Variants in MAX observed in about 807,000 individuals in gnomAD.
MAX encodes the protein MYC associated transcriptional regulator X.
Under a neutral mutation model 22.3 loss-of-function variants are expected in MAX, and 3 were observed. That is an observed-to-expected ratio of 0.13 (90% confidence interval 0.06 to 0.35). MAX has a LOEUF of 0.35. Among genes scored for constraint, MAX ranks in the 10% least tolerant of loss-of-function variants. MAX has a pLI of 1.00. For synonymous variants in MAX, 72 were observed against 77.7 expected (o/e 0.93, Z 0.39); for missense variants, 119 against 209.4 (o/e 0.57, Z 2.66).
intron 3 of MAX, among the ~76,000 whole-genome samples, chr14:65,085,563 C>T (rs2063308871): frequency 6.6e-6 from 1 of 152,082 alleles, no homozygotes; most frequent in African/African-American, 2.4e-5. Context: ...AGATTTCTGC[C>T]CTACAGGAGC....
In MAX at chr14:65,076,439, G is replaced by C; in HGVS notation, c.*37C>G. ...ACTGAAAGGAGGATGAGACGATGGA[G>C]ACAGACAGTTTTTATTGCTGGCCTG... is the stretch of plus-strand genomic sequence containing the variant. On this transcript the variant is annotated 3_prime_UTR_variant, in exon 5 of 5. Transcript: ENST00000358664. This position sits in a 1 kb window ranked among gnomAD's most constrained non-coding sequence, Gnocchi z 6.6. 6.2e-7 allele frequency: 1 copy of C among 1,612,264 alleles called. No homozygotes were observed. The highest frequency in any genetic ancestry group is 1.1e-5 in the South Asian group (1 of 90,846).
chr14:65,027,865 A>C lies in MAX; in HGVS notation c.172-21581T>G, dbSNP rs2062012301. 2 of 1,562,704 alleles carry C rather than the reference A, an allele frequency of 1.3e-6. No homozygotes were observed. Among genetic ancestry groups the C allele is most frequent in the Admixed American group, 3.6e-5 (2 of 56,082 alleles). ...AGAGATGCCAAGCCTAAGGAACATC[A>C]TGGGGAAGCTGCTGCTTTGTCCCAG... On this transcript the variant is annotated intron_variant, in intron 3 of 3. Transcript: ENST00000341653. This position sits in a 1 kb window ranked among gnomAD's most constrained non-coding sequence, Gnocchi z 5.7.
chr14:65,067,762 C>A (rs1376622115), intron 3 of MAX, among the ~76,000 whole-genome samples: 1 of 151,334 alleles, frequency 6.6e-6, no homozygotes, highest in Non-Finnish European at 1.5e-5. Flanking sequence ...GGTGGGACCA[C>A]AGGCACACAC....
chr14:65,025,988 C>T (rs1232248452), intron 3 of MAX, among the ~76,000 whole-genome samples: 2 of 152,122 alleles, frequency 1.3e-5, no homozygotes, highest in African/African-American at 4.8e-5. Context: ...TTTCTCTGCC[C>T]GGATAATGGG....
At chr14:65,056,238 T>C (rs1272544217) in intron 3 of MAX, among the ~76,000 whole-genome samples, 1 of 152,240 alleles carries the variant, frequency 6.6e-6, no homozygotes, top group African/African-American at 2.4e-5. Flanking sequence ...CATGTGTTGC[T>C]CCAGTTTATT....
rs575349280 is a variant in MAX at position 65,078,853 on chromosome 14, G to T, written c.172-817C>A. On this transcript the variant is annotated intron_variant, in intron 3 of 4. Transcript: ENST00000358664. The surrounding 1 kb of genome is among the most constrained non-coding windows in gnomAD (Gnocchi z 6.4). ...GAAGGCCTTCTTTGTGACATACAAG[G>T]TGCCAAGTGCTTTACAGAGCTTAAC... Among the ~76,000 whole-genome samples, 241 of 152,300 alleles carry T rather than the reference G, an allele frequency of 1.6e-3. 2 individuals carry two copies. The highest frequency in any genetic ancestry group is 5.3e-3 in the African/African-American group (222 of 41,566).
intron 1 of MAX, 101 bp downstream of exon 1, chr14:65,102,200 AGGC>A: frequency 6.4e-7 from 1 of 1,560,054 alleles, no homozygotes; most frequent in Non-Finnish European, 8.7e-7. Flanking sequence ...AAGGGGAAGG[AGGC>A]GGCGGCAGCC....
At position 65,084,053 on chromosome 14, in the gene MAX, G is replaced by A; in HGVS notation, c.172-6017C>T. ...CATGGCTCCTTGAAGGCTTCCTGCT[G>A]CCAGGGCCTCCCCAGCCACAGGACC... On this transcript the variant is annotated intron_variant, in intron 3 of 4. Transcript: ENST00000358664. This position sits in a 1 kb window ranked among gnomAD's most constrained non-coding sequence, Gnocchi z 4.3. The A allele has an allele frequency of 6.3e-7, 1 of 1,593,588 alleles. No homozygotes were observed.
rs539193441 is a variant in MAX at position 65,076,348 on chromosome 14, A to T, written c.*128T>A. The T allele has an allele frequency of 3.0e-4, 384 of 1,286,162 alleles. No homozygotes were observed. The highest frequency in any genetic ancestry group is 8.2e-4 in the African/African-American group (54 of 65,728). The allele number at this position is 1,286,162 out of a possible 1,614,324, so 79.7% of individuals were successfully genotyped here. A position where few individuals can be genotyped will look rare whatever the true frequency, so the allele number is the denominator to read the frequency against. ...AGCTTCTACGTAAAAATAAAAATTT[A>T]AAAAAAAAAGGGAGAAAGAGAAAAA... On this transcript the variant is annotated 3_prime_UTR_variant, in exon 5 of 5. Coordinates refer to ENST00000358664, the MANE Select transcript of MAX (RefSeq NM_002382.5). The surrounding 1 kb of genome is among the most constrained non-coding windows in gnomAD (Gnocchi z 6.6).
chr14:65,059,939 T>G (rs962898533), intron 3 of MAX, among the ~76,000 whole-genome samples: 4 of 150,186 alleles, frequency 2.7e-5, no homozygotes, highest in Non-Finnish European at 4.4e-5. Flanking sequence ...GTTCAAGCAA[T>G]TCTCCTGCTT....
intron 3 of MAX, among the ~76,000 whole-genome samples, chr14:65,024,468 G>A (rs2061944461): frequency 6.6e-6 from 1 of 152,158 alleles, no homozygotes; most frequent in Admixed American, 6.5e-5. Context: ...GCAGGACTGG[G>A]TCTCTGTATT....
chr14:65,096,942 T>C (rs951186839), intron 2 of MAX, among the ~76,000 whole-genome samples: 10 of 152,194 alleles, frequency 6.6e-5, no homozygotes, highest in African/African-American at 1.7e-4. Context: ...CCCACTCTTC[T>C]AGTACGCTGG....
chr14:65,025,815 C>G (rs1413363982), intron 3 of MAX, among the ~76,000 whole-genome samples: 1 of 152,146 alleles, frequency 6.6e-6, no homozygotes, highest in East Asian at 1.9e-4. Flanking sequence ...GACCCTCTCT[C>G]AAAATCAAAA....
At chr14:65,033,472 G>A (rs141886331) in intron 3 of MAX, among the ~76,000 whole-genome samples, 32 of 152,340 alleles carry the variant, frequency 2.1e-4, no homozygotes, top group Non-Finnish European at 4.3e-4. Context: ...GACCTGAAGT[G>A]TATATGGCTA....
chr14:65,022,579 C>G (rs1047753144), intron 3 of MAX, among the ~76,000 whole-genome samples: 5 of 151,916 alleles, frequency 3.3e-5, no homozygotes, highest in Non-Finnish European at 7.4e-5. Context: ...ATTGCCTAAG[C>G]TGGTCTCAAA....
chr14:65,033,146 C>T (rs1242466429), intron 3 of MAX, among the ~76,000 whole-genome samples: 4 of 151,742 alleles, frequency 2.6e-5, no homozygotes, highest in Non-Finnish European at 5.9e-5. Flanking sequence ...ATAGTTGCAT[C>T]GGAATATAAT....
Position 65,044,415 on chromosome 14 carries a change from C to T in MAX, c.172-38131G>A, listed in dbSNP as rs1351344722. ...CCTTCTGGCAGGCGGGGCTCCTGCC[C>T]CTGCTCCACCGCGCACTGCACGCCC... On this transcript the variant is annotated intron_variant, in intron 3 of 3. Coordinates refer to the MAX transcript ENST00000341653. The surrounding 1 kb of genome is among the most constrained non-coding windows in gnomAD (Gnocchi z 5.5). 6.2e-7 allele frequency: 1 copy of T among 1,613,010 alleles called. No individual in the cohort carries two copies. Among genetic ancestry groups the T allele is most frequent in the Non-Finnish European group, 8.5e-7 (1 of 1,179,580 alleles).
chr14:65,015,740 G>A, intron 3 of MAX: 1 of 1,607,178 alleles, frequency 6.2e-7, no homozygotes, highest in South Asian at 1.1e-5. Context: ...TGGGAAATCT[G>A]GGGTGTTCTC....
intron 3 of MAX, among the ~76,000 whole-genome samples, chr14:65,051,680 C>G (rs2062614544): frequency 6.6e-6 from 1 of 151,752 alleles, no homozygotes; most frequent in African/African-American, 2.4e-5. Context: ...TAGACTGTAT[C>G]ATAAACTTTT....
Sources: allele counts gnomAD v4.1 joint callset (sites outside exome capture counted in the v4.1 genomes callset), GRCh38; gene constraint gnomAD v4.1.1; non-coding constraint Gnocchi (gnomAD v3.1); transcripts MANE v1.5; gene names NCBI Gene and HGNC (gene_info 2026-07-23, HGNC 2026-07-21).